Variants in SPATA31D1 observed in about 807,000 individuals in gnomAD.
The protein encoded by SPATA31D1 is spermatogenesis-associated protein 31D1.
A neutral mutation model predicts 13.2 loss-of-function variants in SPATA31D1; 6 were observed. The ratio of observed to expected loss-of-function variants is 0.46; its 90% CI spans 0.25 to 0.90. The LOEUF is 0.90. Ranked by LOEUF, SPATA31D1 falls within the 40% of genes least tolerant of loss-of-function variation. The probability of loss-of-function intolerance (pLI) is 0.18; values close to 1 mark genes in which losing one functional copy is unlikely to be tolerated. For missense variants in SPATA31D1, 2,445 were observed against 1,884.7 expected (o/e 1.30, Z -5.50); for synonymous variants, 903 against 718.8 (o/e 1.26, Z -4.10).
Position 81,992,350 on chromosome 9 carries a change from A to C in SPATA31D1, c.1880A>C (p.Asn627Thr). 11 of 1,613,822 alleles carry C rather than the reference A, an allele frequency of 6.8e-6. No homozygotes were observed. Among genetic ancestry groups the C allele is most frequent in the Non-Finnish European group, 8.5e-6 (10 of 1,179,736 alleles). ...LPSEINHLEW[N>T]VLQKVQESLW... ...TCTGAAATTAACCATCTGGAGTGGA[A>C]CGTGTTGCAGAAAGTGCAGGAAAGT... Residue 627 changes from asparagine (N) to threonine (T), a missense_variant, in exon 4 of 4, where the codon AAC becomes ACC. By Grantham distance (65) the Asn-to-Thr change is moderately conservative. Coordinates refer to ENST00000344803, the MANE Select transcript of SPATA31D1 (RefSeq NM_001001670.3).
Position 81,988,786 on chromosome 9 carries a change from T to G in SPATA31D1, c.-33T>G. The G allele has an allele frequency of 6.2e-7, 1 of 1,611,992 alleles. No homozygotes were observed. The highest frequency in any genetic ancestry group is 2.2e-5 in the East Asian group (1 of 44,862). Reference sequence around the variant, plus strand: ...AGTTAAGCCTGGGCACCCTCAGTGCTCAGTTGCTTCAGGCAGCTGAGCTAT... The same window carrying G: ...AGTTAAGCCTGGGCACCCTCAGTGCGCAGTTGCTTCAGGCAGCTGAGCTAT... On this transcript the variant is annotated 5_prime_UTR_variant, in exon 1 of 4. Transcript: ENST00000344803.
At position 81,993,184 on chromosome 9, in the gene SPATA31D1, C is replaced by T. The variant is rs776767425; in HGVS notation, c.2714C>T (p.Ala905Val). 1 of 1,613,826 alleles carries T rather than the reference C, an allele frequency of 6.2e-7. No homozygotes were observed. The highest frequency in any genetic ancestry group is 2.2e-5 in the East Asian group (1 of 44,872). The change falls in exon 4 of 4, where the codon GCC becomes GTC. Residue 905 changes from alanine (A) to valine (V), a missense_variant. Ala to Val is a moderately conservative substitution (Grantham distance 64). Transcript: ENST00000344803. ...TCCAACAAACAAAAGATGTTGGAAG[C>T]CCATATTAAAACTTTCCGTATGAGG... ...LSSNKQKMLE[A>V]HIKTFRMRML...
rs1467167364 is a variant in SPATA31D1, at chr9:81,991,971, G to C, written c.1501G>C (p.Val501Leu). 3 of 1,613,582 alleles carry C rather than the reference G, an allele frequency of 1.9e-6. No homozygotes were observed. Among genetic ancestry groups the C allele is most frequent in the Non-Finnish European group, 2.5e-6 (3 of 1,179,702 alleles). The change falls in exon 4 of 4, where the codon GTC becomes CTC. Residue 501 changes from valine (V) to leucine (L), a missense_variant. Physicochemically the swap from Val to Leu is conservative, Grantham distance 32. Coordinates refer to ENST00000344803, the MANE Select transcript of SPATA31D1 (RefSeq NM_001001670.3). ...CFEDHLEQKY[V>L]QLFWGLPSLH... is the part of the protein sequence containing the mutation. ...TGAAGACCATTTAGAGCAAAAATAT[G>C]TCCAGCTCTTCTGGGGTCTCCCATC...
chr9:81,994,472 C>G lies in SPATA31D1; in HGVS notation c.4002C>G (p.Ser1334Arg), dbSNP rs1825052944. Reference sequence around the variant, plus strand: ...AGACATCAGGGGAGGTGCTTGGGAGCAAATCTTCCCCAACCTTGAAAACAC... The same window carrying G: ...AGACATCAGGGGAGGTGCTTGGGAGGAAATCTTCCCCAACCTTGAAAACAC... ...HNKTSGEVLG[S>R]KSSPTLKTQP... The change falls in exon 4 of 4, where the codon AGC becomes AGG. Residue 1334 changes from serine (S) to arginine (R), a missense_variant. By Grantham distance (110) the Ser-to-Arg change is moderately radical (BLOSUM62 -1). Transcript: ENST00000344803. The G allele has an allele frequency of 1.2e-6, 2 of 1,613,312 alleles. No homozygotes were observed. Among genetic ancestry groups the G allele is most frequent in the South Asian group, 1.1e-5 (1 of 90,956 alleles).
In SPATA31D1 at chr9:81,992,848, C is replaced by T; in HGVS notation, c.2378C>T (p.Ser793Leu). 3 of 1,613,766 alleles carry T rather than the reference C, an allele frequency of 1.9e-6. No individual in the cohort carries two copies. The highest frequency in any genetic ancestry group is 2.5e-6 in the Non-Finnish European group (3 of 1,179,720). ...DHLLHGPETS[S>L]DKDLRSNSER... is the part of the protein sequence containing the mutation. ...CTGTTGCATGGTCCGGAGACTTCTTCAGACAAGGATCTGAGGTCTAACTCT... is the reference window on the plus strand; with the variant it reads ...CTGTTGCATGGTCCGGAGACTTCTTTAGACAAGGATCTGAGGTCTAACTCT... The change falls in exon 4 of 4, where the codon TCA becomes TTA. Residue 793 changes from serine to leucine, a missense_variant. By Grantham distance (145) the Ser-to-Leu change is moderately radical. Transcript: ENST00000344803.
At chr9:81,989,442 A>T (rs891990843) in intron 1 of SPATA31D1, among the ~76,000 whole-genome samples, 1 of 152,158 alleles carries the variant, frequency 6.6e-6, no homozygotes, top group African/African-American at 2.4e-5. Context: ...GTCTCTGAGC[A>T]GAGGCTGGAG....
In SPATA31D1 at chr9:81,992,595, T is replaced by G; in HGVS notation, c.2125T>G (p.Ser709Ala). ...RWGLPRRIHE[S>A]LSLLRPQSKI... The stretch of plus-strand genomic sequence containing the variant: ...GGGCCTGCCCCGCAGAATCCATGAG[T>G]CTCTGTCATTGCTACGTCCTCAGAG... The change falls in exon 4 of 4, where the codon TCT (serine) becomes GCT (alanine). Residue 709 changes from serine to alanine, a missense_variant. Coordinates refer to ENST00000344803, the MANE Select transcript of SPATA31D1 (RefSeq NM_001001670.3). The G allele has an allele frequency of 6.2e-7, 1 of 1,612,576 alleles. No individual in the cohort carries two copies. Among genetic ancestry groups the G allele is most frequent in the Non-Finnish European group, 8.5e-7 (1 of 1,179,722 alleles).
rs767052592 is a variant in SPATA31D1 at position 81,994,601 on chromosome 9, G to A, written c.4131G>A (p.Lys1377=). 3.1e-6 allele frequency: 5 copies of A among 1,612,874 alleles called. No individual in the cohort carries two copies. The African/African-American group carries it at 6.7e-5, about 22-fold the overall frequency. The stretch of plus-strand genomic sequence containing the variant: ...AAGAACAAGAAAGTTCCTGGGAAAA[G>A]GGTAGCTCCCTGTCATCATGTGTGC... ...SYEEQESSWE[K]GSSLSSCVQN... is the part of the protein sequence containing the mutation. The change falls in exon 4 of 4, where the codon AAG becomes AAA. Residue 1377 remains lysine (K), a synonymous_variant. Transcript: ENST00000344803.
chr9:81,991,931 A>T lies in SPATA31D1; in HGVS notation c.1461A>T (p.Pro487=), dbSNP rs1354591290. Residue 487 remains proline (P), a synonymous_variant, in exon 4 of 4, where the codon CCA becomes CCT. Transcript: ENST00000344803. ...LEWQHIHQQP[P]HSKCFEDHLE... is the part of the protein sequence containing the mutation. ...GGCAGCACATCCATCAGCAGCCTCC[A>T]CACTCTAAATGCTTTGAAGACCATT... 1.9e-6 allele frequency: 3 copies of T among 1,613,820 alleles called. No individual in the cohort carries two copies. Among genetic ancestry groups the T allele is most frequent in the Non-Finnish European group, 2.5e-6 (3 of 1,179,730 alleles).
chr9:81,993,010 C>A lies in SPATA31D1; in HGVS notation c.2540C>A (p.Pro847His), dbSNP rs1157865304. The A allele has an allele frequency of 1.2e-6, 2 of 1,613,628 alleles. No individual in the cohort carries two copies. The highest frequency in any genetic ancestry group is 1.7e-5 in the Admixed American group (1 of 59,978). ...KFEEINEGRMPGTVHSSWHSV... is the reference protein window; with the variant it reads ...KFEEINEGRMHGTVHSSWHSV... ...GAGGAAATCAATGAGGGTCGAATGC[C>A]TGGGACTGTGCATAGTTCATGGCAC... Residue 847 changes from proline to histidine, a missense_variant, in exon 4 of 4, where the codon CCT (proline) becomes CAT (histidine). Physicochemically the swap from Pro to His is moderately conservative, Grantham distance 77 (BLOSUM62 -2). Transcript: ENST00000344803.
At chr9:81,990,074 G>T (rs1276606985) in intron 2 of SPATA31D1, 4 of 530,422 alleles carry the variant, frequency 7.5e-6, no homozygotes, top group Non-Finnish European at 1.3e-5. Flanking sequence ...GGCCAACTGA[G>T]ATATCCAGGA....
At chr9:81,990,637 G>A in intron 3 of SPATA31D1, 136 bp from the exon 4 acceptor site, 3 of 1,338,914 alleles carry the variant, frequency 2.2e-6, no homozygotes, top group Non-Finnish European at 3.1e-6. Flanking sequence ...TTGGGGAGAG[G>A]CTATAGTGAG....
chr9:81,993,985 C>T lies in SPATA31D1; in HGVS notation c.3515C>T (p.Thr1172Ile), dbSNP rs75742550. The change falls in exon 4 of 4, where the codon ACA becomes ATA. Residue 1172 changes from threonine (T) to isoleucine (I), a missense_variant. Thr to Ile is a moderately conservative substitution (Grantham distance 89, BLOSUM62 -1). Transcript: ENST00000344803. ...AGCAAGTCAGGAAGCTGCTCACTGA[C>T]AAATGTGAAAGCAAGCACTTCCAAT... ...TTSKSGSCSL[T>I]NVKASTSNET... 9.2e-3 allele frequency: 14,793 copies of T among 1,613,830 alleles called. 94 individuals are homozygous for T. Among genetic ancestry groups the T allele is most frequent in the Middle Eastern group, 0.023 (137 of 6,060 alleles).
chr9:81,987,696 A>G (rs975927347), upstream of SPATA31D1, among the ~76,000 whole-genome samples: 4 of 152,180 alleles, frequency 2.6e-5, no homozygotes, highest in Non-Finnish European at 5.9e-5. Flanking sequence ...TGTTTTATAG[A>G]TGTTAAATAA....
chr9:81,992,150 A>G lies in SPATA31D1; in HGVS notation c.1680A>G (p.Pro560=), dbSNP rs372226061. The G allele has an allele frequency of 6.2e-7, 1 of 1,613,508 alleles. No homozygotes were observed. The part of the protein sequence containing the change: ...PQPLSLPSTQ[P]LPLPQTLPQG... ...CTCTGTCCTTGCCTAGTACCCAACC[A>G]CTACCCTTGCCTCAAACCCTGCCCC... The change falls in exon 4 of 4, where the codon CCA becomes CCG. Residue 560 remains proline, a synonymous_variant. Coordinates refer to ENST00000344803, the MANE Select transcript of SPATA31D1 (RefSeq NM_001001670.3).
At chr9:81,989,459 G>C (rs1382543490) in intron 1 of SPATA31D1, among the ~76,000 whole-genome samples, 3 of 152,240 alleles carry the variant, frequency 2.0e-5, no homozygotes, top group African/African-American at 7.2e-5. Context: ...GGAGCTATAG[G>C]CCTGTCTCCG....
At position 81,991,006 on chromosome 9, in the gene SPATA31D1, C is replaced by T. The variant is rs771706519; in HGVS notation, c.536C>T (p.Thr179Ile). 5.1e-5 allele frequency: 83 copies of T among 1,613,638 alleles called. No homozygotes were observed. Among genetic ancestry groups the T allele is most frequent in the Non-Finnish European group, 6.5e-5 (77 of 1,179,744 alleles). The change falls in exon 4 of 4, where the codon ACC (threonine) becomes ATC (isoleucine). Residue 179 changes from threonine to isoleucine, a missense_variant. Transcript: ENST00000344803. ...ACTCTGGCTTCCACCCCCTCAGCAA[C>T]CCCTCCAGAAGACCTAATACTGTCC... ...SFTLASTPSATPPEDLILSPR... is the reference protein window; with the variant it reads ...SFTLASTPSAIPPEDLILSPR...
In SPATA31D1 at chr9:81,993,330, G is replaced by A; in HGVS notation, c.2860G>A (p.Gly954Arg). The A allele has an allele frequency of 1.2e-6, 2 of 1,613,874 alleles. No individual in the cohort carries two copies. Among genetic ancestry groups the A allele is most frequent in the South Asian group, 1.1e-5 (1 of 91,082 alleles). ...CTCCTCAGCCACCTTCATCTCTCAG[G>A]GAGATTCCAAAGATGGGGTCTCTAA... ...LPSSATFISQ[G>R]DSKDGVSKSR... The change falls in exon 4 of 4, where the codon GGA becomes AGA. Residue 954 changes from glycine to arginine, a missense_variant. Gly to Arg is a moderately radical substitution (Grantham distance 125). Coordinates refer to ENST00000344803, the MANE Select transcript of SPATA31D1 (RefSeq NM_001001670.3).
chr9:81,993,783 A>T lies in SPATA31D1; in HGVS notation c.3313A>T (p.Thr1105Ser), dbSNP rs767803541. 20 of 1,613,866 alleles carry T rather than the reference A, an allele frequency of 1.2e-5. No individual in the cohort carries two copies. Among genetic ancestry groups the T allele is most frequent in the African/African-American group, 6.7e-5 (5 of 74,918 alleles). Residue 1105 changes from threonine to serine, a missense_variant, in exon 4 of 4, where the codon ACT becomes TCT. Coordinates refer to ENST00000344803, the MANE Select transcript of SPATA31D1 (RefSeq NM_001001670.3). ...SIVDEVSQKQ[T>S]VLASRCSAEL... is the part of the protein sequence containing the mutation. ...CGTAGACGAAGTCAGTCAGAAACAG[A>T]CTGTACTGGCCAGTAGATGCAGCGC...
Sources: allele counts gnomAD v4.1 joint callset (sites outside exome capture counted in the v4.1 genomes callset), GRCh38; gene constraint gnomAD v4.1.1; transcripts MANE v1.5; gene names NCBI Gene and HGNC (gene_info 2026-07-23, HGNC 2026-07-21).